Variants in KIF11 observed in about 807,000 individuals in gnomAD.
KIF11 encodes kinesin-like protein KIF11.
In KIF11, 9 loss-of-function variants were observed where a neutral mutation model predicts 121.0. The observed-to-expected ratio is 0.07, with a 90% CI of 0.04 to 0.13. The LOEUF is 0.13. Ranked by LOEUF, KIF11 falls within the 10% of genes least tolerant of loss-of-function variation. The pLI is 1.00. For synonymous variants in KIF11, 408 were observed against 421.0 expected (o/e 0.97, Z 0.38); for missense variants, 846 against 1,217.5 (o/e 0.69, Z 4.54).
intron 10 of KIF11, among the ~76,000 whole-genome samples, chr10:92,628,259 G>A (rs530516912): frequency 2.6e-5 from 4 of 152,162 alleles, no homozygotes; most frequent in Non-Finnish European, 5.9e-5. Flanking sequence ...GGGTTATGCG[G>A]TGGGGTGAGA....
chr10:92,621,610 G>T, intron 10 of KIF11, 137 bp downstream of exon 10: 4 of 568,400 alleles, frequency 7.0e-6, no homozygotes, highest in Non-Finnish European at 1.3e-5. Context: ...GTGTGTGTGT[G>T]TTTTCTTTTG....
intron 10 of KIF11, among the ~76,000 whole-genome samples, chr10:92,627,273 G>A (rs1589600021): frequency 6.6e-6 from 1 of 152,148 alleles, no homozygotes; most frequent in East Asian, 1.9e-4. Context: ...AATTAGATGA[G>A]CAAATACAGG....
intron 16 of KIF11, 95 bp downstream of exon 16, chr10:92,637,640 C>T (rs1179786345): frequency 1.3e-5 from 16 of 1,229,062 alleles, no homozygotes; most frequent in Non-Finnish European, 1.1e-6. Flanking sequence ...AATCTGAATA[C>T]TGTAAAAGCT....
intron 18 of KIF11, 45 bp downstream of exon 18, chr10:92,645,687 C>T: frequency 7.3e-7 from 1 of 1,369,870 alleles, no homozygotes; most frequent in East Asian, 2.3e-5. Context: ...GAATAATAAT[C>T]AGAAAGTTAA....
Position 92,653,854 on chromosome 10 carries a change from C to T in KIF11, c.*58C>T. On this transcript the variant is annotated 3_prime_UTR_variant, in exon 22 of 22. Coordinates refer to ENST00000260731, the MANE Select transcript of KIF11 (RefSeq NM_004523.4). ...GAAAACTTAAAAATAAAACCTGAAA[C>T]CCCAGAACTTGAGCCTTGTGTATAG... The T allele has an allele frequency of 6.8e-7, 1 of 1,467,502 alleles. No individual in the cohort carries two copies. Among genetic ancestry groups the T allele is most frequent in the South Asian group, 1.2e-5 (1 of 83,796 alleles). The allele number at this position is 1,467,502 out of a possible 1,614,324, so 90.9% of individuals were successfully genotyped here.
intron 10 of KIF11, among the ~76,000 whole-genome samples, chr10:92,622,317 C>T (rs118149286): frequency 0.021 from 3,170 of 148,868 alleles, 49 homozygotes; most frequent in Admixed American, 0.054. Context: ...AAAATAGGCG[C>T]GATAAATAAA....
At chr10:92,601,276 C>G (rs547846578) in intron 1 of KIF11, among the ~76,000 whole-genome samples, 1 of 152,200 alleles carries the variant, frequency 6.6e-6, no homozygotes, top group African/African-American at 2.4e-5. Context: ...TCTCTGCTCA[C>G]TGCAACCTAC....
chr10:92,624,844 A>T (rs533470025), intron 10 of KIF11, among the ~76,000 whole-genome samples: 1 of 149,442 alleles, frequency 6.7e-6, no homozygotes, highest in Admixed American at 6.8e-5. Flanking sequence ...ATCTCGGCTC[A>T]CTGCAAACTC....
chr10:92,615,537 T>C (rs1372628420), intron 8 of KIF11, among the ~76,000 whole-genome samples: 1 of 152,182 alleles, frequency 6.6e-6, no homozygotes, highest in Non-Finnish European at 1.5e-5. Flanking sequence ...CTAGTATATT[T>C]ACAGAGTTGT....
In KIF11 at chr10:92,637,321, T is replaced by C; in HGVS notation, c.2001+12T>C. On this transcript the variant is annotated intron_variant, in intron 15 of 21. Transcript: ENST00000260731. ...CAGTGGCCGATAAGGTAACAAATGCTATGTTCTTAATATCTCAAAATTGAT... is the reference window on the plus strand; with the variant it reads ...CAGTGGCCGATAAGGTAACAAATGCCATGTTCTTAATATCTCAAAATTGAT... 1 of 1,590,350 alleles carries C rather than the reference T, an allele frequency of 6.3e-7. No homozygotes were observed. Among genetic ancestry groups the C allele is most frequent in the Non-Finnish European group, 8.5e-7 (1 of 1,174,832 alleles).
Position 92,613,056 on chromosome 10 carries a change from T to G in KIF11, c.715T>G (p.Phe239Val). 6.2e-7 allele frequency: 1 copy of G among 1,604,686 alleles called. No homozygotes were observed. The highest frequency in any genetic ancestry group is 8.5e-7 in the Non-Finnish European group (1 of 1,173,876). Residue 239 changes from phenylalanine (F) to valine (V), a missense_variant, in exon 7 of 22, where the codon TTC (phenylalanine) becomes GTC (valine). Coordinates refer to ENST00000260731, the MANE Select transcript of KIF11 (RefSeq NM_004523.4). The surrounding 1 kb of genome is among the most constrained non-coding windows in gnomAD (Gnocchi z 4.2). ...GTTTTCTAGTCGTTCCCACTCAGTT[T>G]TCTCTGTTACAATACATATGAAAGA... Reference protein sequence around the residue: ...NAYSSRSHSVFSVTIHMKETT... With the variant: ...NAYSSRSHSVVSVTIHMKETT...
chr10:92,654,515 A>T lies in KIF11; in HGVS notation c.*719A>T, dbSNP rs1845023725. Reference sequence around the variant, plus strand: ...TTGTGTATTTTCTTGCATCCTCCCTAGACTTCCCTATTTCGCTTTCTCCTC... The same window carrying T: ...TTGTGTATTTTCTTGCATCCTCCCTTGACTTCCCTATTTCGCTTTCTCCTC... On this transcript the variant is annotated 3_prime_UTR_variant, in exon 22 of 22. Transcript: ENST00000260731. 6.6e-6 allele frequency: 1 copy of T among 151,978 alleles called. No individual in the cohort carries two copies. The highest frequency in any genetic ancestry group is 1.5e-5 in the Non-Finnish European group (1 of 67,992). The allele number at this position is 151,978 out of a possible 1,614,324, so 9.4% of individuals were successfully genotyped here. A position where few individuals can be genotyped will look rare whatever the true frequency, so the allele number is the denominator to read the frequency against.
intron 10 of KIF11, among the ~76,000 whole-genome samples, chr10:92,627,203 G>A (rs1405136390): frequency 1.3e-5 from 2 of 152,082 alleles, no homozygotes. Flanking sequence ...TTGTATTCAC[G>A]GAAGAATCTT....
At chr10:92,596,250 G>A (rs771057226) in intron 1 of KIF11, among the ~76,000 whole-genome samples, 1 of 152,158 alleles carries the variant, frequency 6.6e-6, no homozygotes, top group Non-Finnish European at 1.5e-5. Flanking sequence ...TGATCTGCCC[G>A]CCTTGGCCTC....
At position 92,640,764 on chromosome 10, in the gene KIF11, G is replaced by A. The variant is rs562029697; in HGVS notation, c.2267+864G>A. ...TTTTTCAGACAAAAACAAACAGCCTGCTCTGTAGCCCAGGCTGAAGTACAG... is the reference window on the plus strand; with the variant it reads ...TTTTTCAGACAAAAACAAACAGCCTACTCTGTAGCCCAGGCTGAAGTACAG... On this transcript the variant is annotated intron_variant, in intron 17 of 21. Transcript: ENST00000260731. Among the ~76,000 whole-genome samples, 3 of 151,276 alleles carry A rather than the reference G, an allele frequency of 2.0e-5. 1 individual carries two copies. In the South Asian group the frequency reaches 6.3e-4, roughly 32 times the overall value.
chr10:92,606,812 T>C, intron 3 of KIF11, 96 bp downstream of exon 3: 3 of 779,128 alleles, frequency 3.9e-6, no homozygotes, highest in Non-Finnish European at 6.8e-6. Context: ...AGTTTCACTC[T>C]TGTTGCCCAG....
intron 19 of KIF11, among the ~76,000 whole-genome samples, chr10:92,648,789 C>G (rs915860570): frequency 6.6e-6 from 1 of 152,212 alleles, no homozygotes; most frequent in South Asian, 2.1e-4. Flanking sequence ...AAGTTTACCA[C>G]ATTGTGCATT....
intron 18 of KIF11, among the ~76,000 whole-genome samples, chr10:92,647,329 G>A (rs1844930706): frequency 6.6e-6 from 1 of 151,898 alleles, no homozygotes; most frequent in Admixed American, 6.6e-5. Context: ...AAGACTAGAG[G>A]TCCTTAAGTC....
In KIF11 at chr10:92,648,419, C is replaced by T; in HGVS notation, c.2755C>T (p.Leu919=). ...TTGCTTTCTGGAACAGGATCTGAAA[C>T]TGGATATCCCAACAGGTACTTTAAA... The part of the protein sequence containing the change: ...LNCFLEQDLK[L]DIPTGTTPQR... Residue 919 remains leucine (L), a synonymous_variant, in exon 19 of 22, where the codon CTG becomes TTG. Transcript: ENST00000260731. The T allele has an allele frequency of 6.3e-7, 1 of 1,595,444 alleles. No individual in the cohort carries two copies.
Sources: allele counts gnomAD v4.1 joint callset (sites outside exome capture counted in the v4.1 genomes callset), GRCh38; gene constraint gnomAD v4.1.1; non-coding constraint Gnocchi (gnomAD v3.1); transcripts MANE v1.5; gene names NCBI Gene and HGNC (gene_info 2026-07-23, HGNC 2026-07-21).